The following PTF1A variants were observed in gnomAD, a reference collection of about 807,000 sequenced individuals.
PTF1A encodes pancreas transcription factor 1 subunit alpha.
A neutral mutation model predicts 22.6 loss-of-function variants in PTF1A; 18 were observed. That is an observed-to-expected ratio of 0.80 (90% confidence interval 0.55 to 1.18). PTF1A has a LOEUF of 1.18. Ranked by LOEUF, PTF1A falls within the 50% of genes most tolerant of loss-of-function variation. The pLI, the probability that PTF1A is intolerant of heterozygous loss-of-function variation, is 0.00. For synonymous variants in PTF1A, 259 were observed against 227.9 expected, an observed-to-expected ratio of 1.14 and a Z score of -1.23; for missense variants, 477 against 473.0, an observed-to-expected ratio of 1.01 and a Z score of -0.08.
In PTF1A at chr10:23,193,263, G is replaced by A. The variant is rs1840918125; in HGVS notation, c.733G>A (p.Asp245Asn). The A allele has an allele frequency of 8.0e-7, 1 of 1,246,386 alleles. No homozygotes were observed. Among genetic ancestry groups the A allele is most frequent in the Non-Finnish European group, 1.0e-6 (1 of 1,003,442 alleles). The allele number at this position is 1,246,386 out of a possible 1,614,324, so 77.2% of individuals were successfully genotyped here. The change falls in exon 1 of 2, where the codon GAC (aspartate) becomes AAC (asparagine). Residue 245 changes from aspartate to asparagine, a missense_variant. Transcript: ENST00000376504. ...GGGCGGCGGCGGGCGCCTGGGCGGG[G>A]ACAGCCCGGGCAGCCAGGCCCAGAA... ...GPGGGGRLGG[D>N]SPGSQAQKVI... is the part of the protein sequence containing the mutation.
rs1840899348 is a variant in PTF1A at position 23,192,464 on chromosome 10, C to A, written c.-67C>A. On this transcript the variant is annotated 5_prime_UTR_variant, in exon 1 of 2. Coordinates refer to ENST00000376504, the MANE Select transcript of PTF1A (RefSeq NM_178161.3). ...CCCGGGAGGGAGGGGCTCGGACGGG[C>A]CTTAGAAACTCACCAAGAACTAACA... 1 of 1,580,900 alleles carries A rather than the reference C, an allele frequency of 6.3e-7. No homozygotes were observed. The highest frequency in any genetic ancestry group is 1.4e-5 in the African/African-American group (1 of 72,672).
chr10:23,193,825 C>A lies in PTF1A; in HGVS notation c.906C>A (p.Thr302=). 2 of 1,613,856 alleles carry A rather than the reference C, an allele frequency of 1.2e-6. No homozygotes were observed. Among genetic ancestry groups the A allele is most frequent in the Non-Finnish European group, 1.7e-6 (2 of 1,179,862 alleles). Reference sequence around the variant, plus strand: ...TTATCCGAACAGCCAAAGTCTGGACCCCAGAGGACCCCAGAAAACTCAACA... The same window carrying A: ...TTATCCGAACAGCCAAAGTCTGGACACCAGAGGACCCCAGAAAACTCAACA... ...QNIIRTAKVW[T]PEDPRKLNSK... is the part of the protein sequence containing the mutation. The change falls in exon 2 of 2, where the codon ACC becomes ACA. Residue 302 remains threonine, a synonymous_variant. Transcript: ENST00000376504.
Position 23,192,841 on chromosome 10 carries a change from C to G in PTF1A, c.311C>G (p.Thr104Arg). The G allele has an allele frequency of 1.5e-6, 2 of 1,308,574 alleles. No homozygotes were observed. The highest frequency in any genetic ancestry group is 9.7e-7 in the Non-Finnish European group (1 of 1,031,420). The allele number at this position is 1,308,574 out of a possible 1,614,324, so 81.1% of individuals were successfully genotyped here. A position where few individuals can be genotyped will look rare whatever the true frequency, so the allele number is the denominator to read the frequency against. ...GGCGGCGGCGGCTACTGCTGCGAGA[C>G]GGGGGCGCCCCCAGGCGGCTTCCCC... The part of the protein sequence containing the change: ...DGGGGGYCCE[T>R]GAPPGGFPYS... Residue 104 changes from threonine to arginine, a missense_variant, in exon 1 of 2, where the codon ACG (threonine) becomes AGG (arginine). Transcript: ENST00000376504.
At position 23,192,552 on chromosome 10, in the gene PTF1A, C is replaced by T. The variant is rs200273790; in HGVS notation, c.22C>T (p.His8Tyr). MDAVLLE[H>Y]FPGGLDAFPS... The stretch of plus-strand genomic sequence containing the variant: ...GAGCATGGACGCGGTGTTGCTGGAG[C>T]ACTTCCCCGGGGGCCTAGACGCCTT... Residue 8 changes from histidine to tyrosine, a missense_variant, in exon 1 of 2, where the codon CAC (histidine) becomes TAC (tyrosine). By Grantham distance (83) the His-to-Tyr change is moderately conservative. Transcript: ENST00000376504. 8 of 1,593,424 alleles carry T rather than the reference C, an allele frequency of 5.0e-6. No individual in the cohort carries two copies. The African/African-American group carries it at 6.9e-5, about 14-fold the overall frequency.
In PTF1A at chr10:23,192,911, C is replaced by A; in HGVS notation, c.381C>A (p.Ala127=). 7.9e-7 allele frequency: 1 copy of A among 1,264,294 alleles called. No individual in the cohort carries two copies. The highest frequency in any genetic ancestry group is 1.0e-6 in the Non-Finnish European group (1 of 1,000,946). The allele number at this position is 1,264,294 out of a possible 1,614,324, so 78.3% of individuals were successfully genotyped here. Residue 127 remains alanine, a synonymous_variant, in exon 1 of 2, where the codon GCC becomes GCA. Transcript: ENST00000376504. ...CCTCGTGCCTGGCCTACCCGTGCGC[C>A]GGGGCGGCAGTACTGTCTCCCGGGG... The part of the protein sequence containing the change: ...SPPSCLAYPC[A]GAAVLSPGAR...
Position 23,193,123 on chromosome 10 carries a change from G to T in PTF1A, c.593G>T (p.Arg198Leu). Residue 198 changes from arginine to leucine, a missense_variant, in exon 1 of 2, where the codon CGC (arginine) becomes CTC (leucine). Physicochemically the swap from Arg to Leu is moderately radical, Grantham distance 102 (BLOSUM62 -2). Coordinates refer to ENST00000376504, the MANE Select transcript of PTF1A (RefSeq NM_178161.3). ...SHIPTLPYEK[R>L]LSKVDTLRLA... is the part of the protein sequence containing the mutation. ...ATCCCCACGCTGCCCTACGAGAAGC[G>T]CCTCTCCAAGGTGGACACGCTGCGC... is the stretch of plus-strand genomic sequence containing the variant. 6.9e-7 allele frequency: 1 copy of T among 1,445,936 alleles called. No homozygotes were observed. Among genetic ancestry groups the T allele is most frequent in the Non-Finnish European group, 9.1e-7 (1 of 1,093,558 alleles). The allele number at this position is 1,445,936 out of a possible 1,614,324, so 89.6% of individuals were successfully genotyped here.
rs1275282216 is a variant in PTF1A, at chr10:23,193,172, C to T, written c.642C>T (p.Phe214=). Residue 214 remains phenylalanine (F), a synonymous_variant, in exon 1 of 2, where the codon TTC becomes TTT. Coordinates refer to ENST00000376504, the MANE Select transcript of PTF1A (RefSeq NM_178161.3). ...TLRLAIGYIN[F]LSELVQADLP... ...GCCTGGCCATCGGCTACATCAACTT[C>T]CTCAGCGAGCTCGTGCAGGCCGACC... 3.6e-6 allele frequency: 5 copies of T among 1,407,340 alleles called. No individual in the cohort carries two copies. Among genetic ancestry groups the T allele is most frequent in the African/African-American group, 1.5e-5 (1 of 66,772 alleles). The allele number at this position is 1,407,340 out of a possible 1,614,324, so 87.2% of individuals were successfully genotyped here.
intron 1 of PTF1A, 165 bp downstream of exon 1, chr10:23,193,479 T>TA: frequency 1.3e-6 from 1 of 786,150 alleles, no homozygotes. Flanking sequence ...TTTTTTTTTT[T>TA]TATTTTTCTG....
In PTF1A at chr10:23,193,692, T is replaced by C. The variant is rs1564448642; in HGVS notation, c.785-12T>C. ...GATATTCACAGTCTGTTTTCTCTTC[T>C]CACCTGTCCAGGGTCCCCCTCCCCC... On this transcript the variant is annotated splice_polypyrimidine_tract_variant and intron_variant, in intron 1 of 1. Transcript: ENST00000376504. 6.4e-7 allele frequency: 1 copy of C among 1,559,502 alleles called. No individual in the cohort carries two copies. Among genetic ancestry groups the C allele is most frequent in the Admixed American group, 1.7e-5 (1 of 59,932 alleles).
rs1840934168 is a variant in PTF1A at position 23,194,013 on chromosome 10, T to G, written c.*107T>G. The G allele has an allele frequency of 9.4e-6, 8 of 851,342 alleles. No individual in the cohort carries two copies. Among genetic ancestry groups the G allele is most frequent in the Non-Finnish European group, 1.6e-5 (8 of 501,082 alleles). 52.7% of individuals were successfully genotyped at this position (851,342 alleles called of 1,614,324 possible). Reference sequence around the variant, plus strand: ...AAGAATCAAATTTTTCGAATGGCAATCAACTGTTTATTATTTATCTATTTA... The same window carrying G: ...AAGAATCAAATTTTTCGAATGGCAAGCAACTGTTTATTATTTATCTATTTA... On this transcript the variant is annotated 3_prime_UTR_variant, in exon 2 of 2. Transcript: ENST00000376504.
chr10:23,193,523 C>G, intron 1 of PTF1A, 181 bp from the exon 2 acceptor site: 1 of 724,000 alleles, frequency 1.4e-6, no homozygotes, highest in Non-Finnish European at 2.3e-6. Context: ...GGCGCGCGTC[C>G]CCGCCAGACT....
chr10:23,193,976 T>G lies in PTF1A; in HGVS notation c.*70T>G. The G allele has an allele frequency of 8.0e-7, 1 of 1,243,892 alleles. No homozygotes were observed. Among genetic ancestry groups the G allele is most frequent in the Admixed American group, 1.7e-5 (1 of 58,966 alleles). 77.1% of individuals were successfully genotyped at this position (1,243,892 alleles called of 1,614,324 possible). A position where few individuals can be genotyped will look rare whatever the true frequency, so the allele number is the denominator to read the frequency against. ...ATTGTACATGTAAATATCTATAATG[T>G]AAATGTAATTTAAGAATCAAATTTT... On this transcript the variant is annotated 3_prime_UTR_variant, in exon 2 of 2. Coordinates refer to ENST00000376504, the MANE Select transcript of PTF1A (RefSeq NM_178161.3).
rs1840910085 is a variant in PTF1A, at chr10:23,192,846, G to A, written c.316G>A (p.Ala106Thr). The change falls in exon 1 of 2, where the codon GCG (alanine) becomes ACG (threonine). Residue 106 changes from alanine to threonine, a missense_variant. By Grantham distance (58) the Ala-to-Thr change is moderately conservative. Coordinates refer to ENST00000376504, the MANE Select transcript of PTF1A (RefSeq NM_178161.3). ...GGGGYCCETG[A>T]PPGGFPYSPG... ...CGGCGGCTACTGCTGCGAGACGGGG[G>A]CGCCCCCAGGCGGCTTCCCCTACTC... 5 of 1,308,564 alleles carry A rather than the reference G, an allele frequency of 3.8e-6. No homozygotes were observed. Among genetic ancestry groups the A allele is most frequent in the Admixed American group, 3.4e-5 (1 of 29,636 alleles). The allele number at this position is 1,308,564 out of a possible 1,614,324, so 81.1% of individuals were successfully genotyped here. A position where few individuals can be genotyped will look rare whatever the true frequency, so the allele number is the denominator to read the frequency against.
intron 1 of PTF1A, 91 bp downstream of exon 1, chr10:23,193,405 T>C: frequency 4.0e-6 from 5 of 1,260,336 alleles, no homozygotes; most frequent in Non-Finnish European, 5.3e-6. Context: ...AAGCAGACAG[T>C]CGGACCGACG....
chr10:23,193,261 G>C lies in PTF1A; in HGVS notation c.731G>C (p.Gly244Ala), dbSNP rs771099187. 38 of 1,245,366 alleles carry C rather than the reference G, an allele frequency of 3.1e-5. No individual in the cohort carries two copies. Among genetic ancestry groups the C allele is most frequent in the Non-Finnish European group, 1.0e-6 (1 of 1,002,910 alleles). 77.1% of individuals were successfully genotyped at this position (1,245,366 alleles called of 1,614,324 possible). The part of the protein sequence containing the change: ...GGPGGGGRLG[G>A]DSPGSQAQKV... ...CCGGGCGGCGGCGGGCGCCTGGGCG[G>C]GGACAGCCCGGGCAGCCAGGCCCAG... The change falls in exon 1 of 2, where the codon GGG (glycine) becomes GCG (alanine). Residue 244 changes from glycine to alanine, a missense_variant. By Grantham distance (60) the Gly-to-Ala change is moderately conservative (BLOSUM62 0). Coordinates refer to ENST00000376504, the MANE Select transcript of PTF1A (RefSeq NM_178161.3).
rs1260326573 is a variant in PTF1A at position 23,192,647 on chromosome 10, C to T, written c.117C>T (p.Gly39=). 4 of 1,601,038 alleles carry T rather than the reference C, an allele frequency of 2.5e-6. No individual in the cohort carries two copies. The highest frequency in any genetic ancestry group is 1.7e-5 in the Admixed American group (1 of 59,008). Residue 39 remains glycine, a synonymous_variant, in exon 1 of 2, where the codon GGC becomes GGT. Transcript: ENST00000376504. ...DQSSRDPLED[G]DELLADEQAE... The stretch of plus-strand genomic sequence containing the variant: ...CTTCACGGGACCCCCTGGAGGACGG[C>T]GATGAGCTGCTGGCGGACGAGCAGG...
chr10:23,193,481 A>ATT, intron 1 of PTF1A, 167 bp downstream of exon 1: 2 of 497,938 alleles, frequency 4.0e-6, no homozygotes, highest in Non-Finnish European at 6.0e-6. Context: ...TTTTTTTTTT[A>ATT]TTTTTCTGCC....
Position 23,192,887 on chromosome 10 carries a change from C to T in PTF1A, c.357C>T (p.Pro119=). 2 of 1,311,948 alleles carry T rather than the reference C, an allele frequency of 1.5e-6. No homozygotes were observed. Among genetic ancestry groups the T allele is most frequent in the South Asian group, 2.2e-5 (1 of 45,012 alleles). The allele number at this position is 1,311,948 out of a possible 1,614,324, so 81.3% of individuals were successfully genotyped here. A position where few individuals can be genotyped will look rare whatever the true frequency, so the allele number is the denominator to read the frequency against. Residue 119 remains proline (P), a synonymous_variant, in exon 1 of 2, where the codon CCC becomes CCT. Coordinates refer to ENST00000376504, the MANE Select transcript of PTF1A (RefSeq NM_178161.3). Reference sequence around the variant, plus strand: ...TCCCCTACTCGCCCGGCTCGCCGCCCTCGTGCCTGGCCTACCCGTGCGCCG... The same window carrying T: ...TCCCCTACTCGCCCGGCTCGCCGCCTTCGTGCCTGGCCTACCCGTGCGCCG... The part of the protein sequence containing the change: ...GGFPYSPGSP[P]SCLAYPCAGA...
rs1276032430 is a variant in PTF1A, at chr10:23,194,242, C to G, written c.*336C>G. On this transcript the variant is annotated 3_prime_UTR_variant, in exon 2 of 2. Coordinates refer to ENST00000376504, the MANE Select transcript of PTF1A (RefSeq NM_178161.3). ...CGTTGTCAATAAATGCTATTTACAC[C>G]TTTTCCTGAAGGTTTTTGAGTACAT... is the stretch of plus-strand genomic sequence containing the variant. 4.4e-6 allele frequency: 1 copy of G among 227,920 alleles called. No individual in the cohort carries two copies. The highest frequency in any genetic ancestry group is 8.6e-6 in the Non-Finnish European group (1 of 116,308). The allele number at this position is 227,920 out of a possible 1,614,324, so 14.1% of individuals were successfully genotyped here.
Sources: gnomAD v4.1 joint callset for allele counts on GRCh38, gnomAD v4.1.1 for gene constraint, MANE v1.5 for transcripts, NCBI Gene and HGNC (gene_info 2026-07-23, HGNC 2026-07-21) for gene names.